The following TMEM135 variants were observed in gnomAD, a reference collection of about 807,000 sequenced individuals.
TMEM135 encodes transmembrane protein 135, also known as peroxisomal membrane protein 52.
A neutral mutation model predicts 60.3 loss-of-function variants in TMEM135; 30 were observed. That is an observed-to-expected ratio of 0.50 (90% CI 0.37 to 0.68). The LOEUF is 0.68. TMEM135 is among the 30% of genes least tolerant of loss of function. The pLI, the probability that TMEM135 is intolerant of heterozygous loss-of-function variation, is 0.00. For synonymous variants in TMEM135, 190 were observed against 186.7 expected, an observed-to-expected ratio of 1.02 and a Z score of -0.14; for missense variants, 468 against 548.8, an observed-to-expected ratio of 0.85 and a Z score of 1.47.
intron 4 of TMEM135, among the ~76,000 whole-genome samples, chr11:87,137,453 G>A (rs987998434): frequency 6.6e-6 from 1 of 152,090 alleles, no homozygotes; most frequent in Non-Finnish European, 1.5e-5. Context: ...CATATGCTAA[G>A]TTTGCCTACT....
At chr11:87,316,488 AG>A (rs1942731745) in intron 12 of TMEM135, among the ~76,000 whole-genome samples, 1 of 152,062 alleles carries the variant, frequency 6.6e-6, no homozygotes, top group Non-Finnish European at 1.5e-5. Flanking sequence ...CATTTTAAGA[AG>A]AACATTTTGG....
chr11:87,206,898 G>T (rs1443621736), intron 5 of TMEM135, among the ~76,000 whole-genome samples: 1 of 152,046 alleles, frequency 6.6e-6, no homozygotes, highest in Non-Finnish European at 1.5e-5. Context: ...AGTTTAGTAT[G>T]TATGTTAGAA....
At chr11:87,189,109 TCCTTTTCCTTTCCCTTTC>T (rs1565479738) in intron 5 of TMEM135, among the ~76,000 whole-genome samples, 1 of 151,530 alleles carries the variant, frequency 6.6e-6, no homozygotes, top group African/African-American at 2.4e-5. Context: ...GTTTCCCTTT[TCCTTTTCCTTTCCCTTTC>T]CCTTTTCCTT....
chr11:87,152,713 A>C (rs1011654780), intron 4 of TMEM135, among the ~76,000 whole-genome samples: 8 of 152,372 alleles, frequency 5.3e-5, no homozygotes, highest in Admixed American at 5.2e-4. Flanking sequence ...TGCTGGGATT[A>C]CAGGCATGAG....
At position 87,328,115 on chromosome 11, in the gene TMEM135, A is replaced by G. The variant is rs1463666774; in HGVS notation, c.*6782A>G. ...TAACCATCACAGGCTTTATGGCTCT[A>G]TTACCCAAGAATTCTGTTACTTTCA... On this transcript the variant is annotated 3_prime_UTR_variant, in exon 15 of 15. Coordinates refer to ENST00000305494, the MANE Select transcript of TMEM135 (RefSeq NM_022918.4). The G allele has an allele frequency of 2.0e-5, 9 of 453,950 alleles. No homozygotes were observed. The highest frequency in any genetic ancestry group is 3.5e-5 in the Non-Finnish European group (8 of 226,794). The allele number at this position is 453,950 out of a possible 1,614,324, so 28.1% of individuals were successfully genotyped here.
At chr11:87,100,821 C>T (rs548330378) in intron 4 of TMEM135, among the ~76,000 whole-genome samples, 2 of 152,046 alleles carry the variant, frequency 1.3e-5, no homozygotes, top group South Asian at 2.1e-4. Context: ...AAGATTGCGT[C>T]AGTGCACTCC....
intron 4 of TMEM135, among the ~76,000 whole-genome samples, chr11:87,124,368 G>T (rs1490025881): frequency 2.6e-5 from 4 of 152,112 alleles, no homozygotes; most frequent in Non-Finnish European, 5.9e-5. Context: ...CTTCCACCTT[G>T]CCTTTAACCT....
intron 1 of TMEM135, among the ~76,000 whole-genome samples, chr11:87,039,876 G>C (rs1949735830): frequency 6.6e-6 from 1 of 152,180 alleles, no homozygotes; most frequent in Non-Finnish European, 1.5e-5. Context: ...CAATAGCCTA[G>C]ACAATTTATG....
chr11:87,089,507 C>T (rs1857163231), intron 3 of TMEM135, among the ~76,000 whole-genome samples: 1 of 152,068 alleles, frequency 6.6e-6, no homozygotes, highest in Admixed American at 6.5e-5. Flanking sequence ...TGTACTACTG[C>T]ACTCCAGCCT....
intron 5 of TMEM135, among the ~76,000 whole-genome samples, chr11:87,234,831 A>G (rs564256850): frequency 6.6e-6 from 1 of 152,174 alleles, no homozygotes; most frequent in African/African-American, 2.4e-5. Context: ...GATAATTATC[A>G]GTTTAGTACG....
intron 4 of TMEM135, among the ~76,000 whole-genome samples, chr11:87,105,882 G>A (rs1315108508): frequency 6.6e-6 from 1 of 152,086 alleles, no homozygotes; most frequent in Non-Finnish European, 1.5e-5. Flanking sequence ...CTTATTTCCT[G>A]TATCTCACTT....
In TMEM135 at chr11:87,296,692, C is replaced by CA. The variant is rs774205717; in HGVS notation, c.551+870dup. On this transcript the variant is annotated intron_variant, in intron 7 of 14. Coordinates refer to ENST00000305494, the MANE Select transcript of TMEM135 (RefSeq NM_022918.4). ...GAAAAATATTTCAAACAGTGGCTGG[C>CA]ATGGAGTAAATACTCCAGAAATGTT... is the stretch of plus-strand genomic sequence containing the variant. Among the ~76,000 whole-genome samples the CA allele has an allele frequency of 7.9e-5, 12 of 152,108 alleles. No individual in the cohort carries two copies. The East Asian group carries it at 1.3e-3, about 17-fold the overall frequency.
intron 5 of TMEM135, among the ~76,000 whole-genome samples, chr11:87,168,065 C>A (rs1163611408): frequency 3.3e-5 from 5 of 152,138 alleles, no homozygotes; most frequent in African/African-American, 9.7e-5. Flanking sequence ...GGAATTTATC[C>A]ATTTCTTCTA....
chr11:87,322,803 G>A lies in TMEM135; in HGVS notation c.*1470G>A, dbSNP rs1330514881. 1.1e-5 allele frequency: 5 copies of A among 454,174 alleles called. No individual in the cohort carries two copies. The highest frequency in any genetic ancestry group is 2.0e-5 in the African/African-American group (1 of 49,948). The allele number at this position is 454,174 out of a possible 1,614,324, so 28.1% of individuals were successfully genotyped here. On this transcript the variant is annotated 3_prime_UTR_variant, in exon 15 of 15. Coordinates refer to ENST00000305494, the MANE Select transcript of TMEM135 (RefSeq NM_022918.4). ...AAACCCAACAAAAAGACAGACTCTG[G>A]TACTATGGTAACAGAGCCACTTTAT...
intron 4 of TMEM135, among the ~76,000 whole-genome samples, chr11:87,125,424 G>T (rs1165956656): frequency 6.6e-6 from 1 of 152,100 alleles, no homozygotes; most frequent in East Asian, 1.9e-4. Flanking sequence ...AGTACACTCC[G>T]AATGATGTAA....
intron 4 of TMEM135, among the ~76,000 whole-genome samples, chr11:87,133,881 CCGAT>C (rs1676739081): frequency 6.6e-6 from 1 of 152,018 alleles, no homozygotes. Flanking sequence ...ATTTTTATTG[CCGAT>C]AAGCATTCTG....
chr11:87,258,979 A>G (rs1465262548), intron 6 of TMEM135: 4 of 1,528,338 alleles, frequency 2.6e-6, no homozygotes, highest in Non-Finnish European at 3.6e-6. Context: ...AGTCTCAAAG[A>G]CAACGGGAAG....
At chr11:87,259,193 A>T (rs1033855735) in intron 6 of TMEM135, 8 of 532,392 alleles carry the variant, frequency 1.5e-5, no homozygotes, top group Non-Finnish European at 2.4e-5. Context: ...ACTCCTCCTT[A>T]GTCTTCTCCA....
rs181123484 is a variant in TMEM135, at chr11:87,297,690, C to T, written c.551+1867C>T. ...AGAGGGCTAGTTTGGACTATTTGCA[C>T]TTAAATTTTCTCTGTATTATAGAAA... On this transcript the variant is annotated intron_variant, in intron 7 of 14. Coordinates refer to ENST00000305494, the MANE Select transcript of TMEM135 (RefSeq NM_022918.4). Among the ~76,000 whole-genome samples, 701 of 152,268 alleles carry T rather than the reference C, an allele frequency of 4.6e-3. 11 individuals carry two copies. The highest frequency in any genetic ancestry group is 0.016 in the African/African-American group (671 of 41,560).
Sources: allele counts gnomAD v4.1 joint callset (sites outside exome capture counted in the v4.1 genomes callset), GRCh38; gene constraint gnomAD v4.1.1; transcripts MANE v1.5; gene names NCBI Gene and HGNC (gene_info 2026-07-23, HGNC 2026-07-21).